PAK1: variants seen among roughly 807,000 people sequenced by gnomAD.
PAK1 encodes the protein p21 (RAC1) activated kinase 1.
Under a neutral mutation model 67.4 loss-of-function variants are expected in PAK1, and 29 were observed. The observed-to-expected ratio is 0.43, with a 90% confidence interval of 0.32 to 0.59. PAK1 has a LOEUF of 0.59. PAK1 is among the 20% of genes least tolerant of loss of function. PAK1 has a pLI of 0.07. For missense variants in PAK1, 337 were observed against 670.7 expected, an observed-to-expected ratio of 0.50 and a Z score of 5.50; for synonymous variants, 223 against 237.4, an observed-to-expected ratio of 0.94 and a Z score of 0.56.
At chr11:77,373,808 T>A (rs1948748940) in intron 5 of PAK1, among the ~76,000 whole-genome samples, 1 of 152,218 alleles carries the variant, frequency 6.6e-6, no homozygotes, top group Admixed American at 6.5e-5. Flanking sequence ...TGAATGACTT[T>A]AAATGAATAA....
upstream of PAK1, among the ~76,000 whole-genome samples, chr11:77,478,618 CAAAAAAA>C (rs56856301): frequency 7.0e-6 from 1 of 143,332 alleles, no homozygotes; most frequent in Non-Finnish European, 1.5e-5. Context: ...TACTAAAATA[CAAAAAAA>C]AAAAATTAGC....
At chr11:77,421,400 T>C (rs1465155587) in intron 1 of PAK1, among the ~76,000 whole-genome samples, 1 of 152,236 alleles carries the variant, frequency 6.6e-6, no homozygotes, top group Non-Finnish European at 1.5e-5. Flanking sequence ...CTTTATAAAA[T>C]GATTTAAAAA....
In PAK1 at chr11:77,411,947, GCTCT is replaced by G. The variant is rs2138052717; in HGVS notation, c.-21-19410_-21-19407del. On this transcript the variant is annotated intron_variant, in intron 1 of 14. Coordinates refer to ENST00000356341, the MANE Select transcript of PAK1 (RefSeq NM_002576.5). ...AGCTCCCGAGGTGCAGCACGCTCGCGCTCTCGCAGGGCGGCAGCGAAGGCGCCGC... is the reference window on the plus strand; with the variant it reads ...AGCTCCCGAGGTGCAGCACGCTCGCGCGCAGGGCGGCAGCGAAGGCGCCGC... The G allele has an allele frequency of 2.0e-5, 3 of 152,502 alleles. No individual in the cohort carries two copies. The South Asian group carries it at 6.2e-4, about 32-fold the overall frequency. 9.4% of individuals were successfully genotyped at this position (152,502 alleles called of 1,614,324 possible). A position where few individuals can be genotyped will look rare whatever the true frequency, so the allele number is the denominator to read the frequency against.
chr11:77,332,885 G>GA lies in PAK1; in HGVS notation c.1414-19dup. The GA allele has an allele frequency of 6.2e-7, 1 of 1,611,906 alleles. No individual in the cohort carries two copies. Among genetic ancestry groups the GA allele is most frequent in the Non-Finnish European group, 8.5e-7 (1 of 1,178,114 alleles). ...TACAAGGCCTGGCAATAAAAATGGTGAATCACCTTGAGCTCCAAATGAGGC... is the reference window on the plus strand; with the variant it reads ...TACAAGGCCTGGCAATAAAAATGGTGAAATCACCTTGAGCTCCAAATGAGGC... On this transcript the variant is annotated intron_variant, in intron 13 of 14. Coordinates refer to ENST00000356341, the MANE Select transcript of PAK1 (RefSeq NM_002576.5).
At position 77,465,322 on chromosome 11, in the gene PAK1, G is replaced by C. The variant is rs150353034; in HGVS notation, c.-22+8230C>G. Among the ~76,000 whole-genome samples, 337 of 152,154 alleles carry C rather than the reference G, an allele frequency of 2.2e-3. 1 individual carries two copies. Among genetic ancestry groups the C allele is most frequent in the African/African-American group, 8.0e-3 (330 of 41,508 alleles). ...TGTAACTTCCCAGCTACATAATCATGCCACTTAACTTCTGTTCATTTATAA... is the reference window on the plus strand; with the variant it reads ...TGTAACTTCCCAGCTACATAATCATCCCACTTAACTTCTGTTCATTTATAA... On this transcript the variant is annotated intron_variant, in intron 1 of 14. Coordinates refer to ENST00000356341, the MANE Select transcript of PAK1 (RefSeq NM_002576.5).
intron 14 of PAK1, among the ~76,000 whole-genome samples, chr11:77,327,009 C>T (rs1177452898): frequency 6.6e-6 from 1 of 152,006 alleles, no homozygotes; most frequent in African/African-American, 2.4e-5. Context: ...GGAGCCGATG[C>T]GATCAACTGG....
intron 14 of PAK1, among the ~76,000 whole-genome samples, chr11:77,330,467 C>G (rs1455193088): frequency 1.3e-5 from 2 of 152,152 alleles, no homozygotes; most frequent in Non-Finnish European, 2.9e-5. Context: ...ACAGAGCCCT[C>G]AGAAATAACG....
At chr11:77,461,529 T>C (rs1957344764) in intron 1 of PAK1, among the ~76,000 whole-genome samples, 1 of 152,202 alleles carries the variant, frequency 6.6e-6, no homozygotes, top group Non-Finnish European at 1.5e-5. Flanking sequence ...TTCGGGTAAA[T>C]TATGGAACAT....
intron 1 of PAK1, among the ~76,000 whole-genome samples, chr11:77,458,806 G>A (rs146131031): frequency 8.2e-4 from 125 of 152,250 alleles, no homozygotes; most frequent in African/African-American, 2.9e-3. Context: ...AATATATGTC[G>A]AGGGAGTGCA....
intron 1 of PAK1, among the ~76,000 whole-genome samples, chr11:77,414,587 T>C (rs150929342): frequency 3.8e-4 from 58 of 152,284 alleles, no homozygotes; most frequent in African/African-American, 1.3e-3. Flanking sequence ...TAGCCCAAAA[T>C]AGACCCACAC....
intron 1 of PAK1, among the ~76,000 whole-genome samples, chr11:77,397,327 T>C (rs1464123119): frequency 6.6e-6 from 1 of 152,162 alleles, no homozygotes; most frequent in African/African-American, 2.4e-5. Flanking sequence ...CACTGTGAGG[T>C]TTCAAAAGGT....
At chr11:77,449,690 G>GT (rs776451253) in intron 1 of PAK1, among the ~76,000 whole-genome samples, 61 of 71,426 alleles carry the variant, frequency 8.5e-4, no homozygotes, top group African/African-American at 2.4e-3. Flanking sequence ...AATCCTATAG[G>GT]TAAAAAAAAA....
chr11:77,453,147 G>C (rs545461068), intron 1 of PAK1, among the ~76,000 whole-genome samples: 1 of 152,314 alleles, frequency 6.6e-6, no homozygotes, highest in African/African-American at 2.4e-5. Context: ...CTGAGGTCAA[G>C]AGTTCAAGAT....
In PAK1 at chr11:77,463,358, T is replaced by C. The variant is rs117550510; in HGVS notation, c.-22+10194A>G. 5.8e-3 allele frequency among the ~76,000 whole-genome samples: 889 copies of C among 152,182 alleles called. 24 individuals are homozygous for C. The highest frequency in any genetic ancestry group is 0.041 in the Admixed American group (621 of 15,302). On this transcript the variant is annotated intron_variant, in intron 1 of 14. Coordinates refer to ENST00000356341, the MANE Select transcript of PAK1 (RefSeq NM_002576.5). ...TTCACTGCACATACTCCCCTGCCAA[T>C]GTTTTATTTAAAAAAAATTTTTAAC... is the stretch of plus-strand genomic sequence containing the variant.
chr11:77,338,637 C>T (rs1943106347), intron 11 of PAK1, among the ~76,000 whole-genome samples: 1 of 152,100 alleles, frequency 6.6e-6, no homozygotes, highest in African/African-American at 2.4e-5. Context: ...GAACATACCT[C>T]CACACAAAAA....
At chr11:77,435,657 C>CTTTTTTTTTTTTTTTT (rs35603502) in intron 1 of PAK1, among the ~76,000 whole-genome samples, 20 of 68,602 alleles carry the variant, frequency 2.9e-4, no homozygotes, top group African/African-American at 8.9e-4. Context: ...CTACACCTGG[C>CTTTTTTTTTTTTTTTT]TTTTTTTTTT....
At chr11:77,386,559 C>A (rs1471297073) in intron 2 of PAK1, among the ~76,000 whole-genome samples, 1 of 152,160 alleles carries the variant, frequency 6.6e-6, no homozygotes, top group Non-Finnish European at 1.5e-5. Context: ...ATTTATGCAT[C>A]CCCCAGGCAC....
intron 14 of PAK1, among the ~76,000 whole-genome samples, chr11:77,331,228 A>G (rs946423665): frequency 2.7e-4 from 41 of 152,282 alleles, no homozygotes; most frequent in Middle Eastern, 3.4e-3. Flanking sequence ...TCAGTGTGGC[A>G]ATTCCTCAGG....
chr11:77,400,809 T>C (rs1263835289), intron 1 of PAK1, among the ~76,000 whole-genome samples: 1 of 152,246 alleles, frequency 6.6e-6, no homozygotes, highest in Non-Finnish European at 1.5e-5. Context: ...TTCTCATTCA[T>C]CAGTGCAAAT....
Sources: gnomAD v4.1 joint callset for allele counts (sites outside exome capture counted in the v4.1 genomes callset) on GRCh38, gnomAD v4.1.1 for gene constraint, MANE v1.5 for transcripts, NCBI Gene and HGNC (gene_info 2026-07-23, HGNC 2026-07-21) for gene names.